The following NTM variants were observed in gnomAD, a reference collection of about 807,000 sequenced individuals.
The protein encoded by NTM is neurotrimin.
In NTM, 13 loss-of-function variants were observed where a neutral mutation model predicts 42.1. The observed-to-expected ratio is 0.31, with a 90% CI of 0.20 to 0.49. The LOEUF (loss-of-function observed/expected upper bound fraction) is 0.49, where lower values mean the gene tolerates loss of function less well. Among genes scored for constraint, NTM ranks in the 20% least tolerant of loss-of-function variants. NTM has a pLI of 0.99. For missense variants in NTM, 373 were observed against 452.8 expected, an observed-to-expected ratio of 0.82 and a Z score of 1.60; for synonymous variants, 187 against 179.2, an observed-to-expected ratio of 1.04 and a Z score of -0.35.
chr11:131,626,352 A>G (rs2063103692), intron 1 of NTM, among the ~76,000 whole-genome samples: 1 of 152,192 alleles, frequency 6.6e-6, no homozygotes, highest in Non-Finnish European at 1.5e-5. Flanking sequence ...TAATATACAA[A>G]CGTATATTCA....
intron 1 of NTM, among the ~76,000 whole-genome samples, chr11:131,436,281 A>C (rs897550023): frequency 1.3e-5 from 2 of 152,170 alleles, no homozygotes; most frequent in Non-Finnish European, 2.9e-5. Flanking sequence ...AGGCTTTGCT[A>C]TCAGGATGAT....
intron 4 of NTM, among the ~76,000 whole-genome samples, chr11:132,257,801 G>A (rs1259270894): frequency 1.3e-5 from 2 of 152,126 alleles, no homozygotes; most frequent in South Asian, 4.1e-4. Flanking sequence ...ATCTGATTTC[G>A]AAGCCCATTG....
chr11:131,599,809 T>C (rs569877671), intron 1 of NTM, among the ~76,000 whole-genome samples: 2 of 152,344 alleles, frequency 1.3e-5, no homozygotes, highest in South Asian at 4.1e-4. Flanking sequence ...AGTCTGCAGC[T>C]GACCCATGAA....
rs116665376 is a variant in NTM, at chr11:132,233,375, G to A, written c.526+21228G>A. On this transcript the variant is annotated intron_variant, in intron 4 of 8. Coordinates refer to ENST00000683400, the MANE Select transcript of NTM (RefSeq NM_001352005.2). ...GCAGAGGTTGTGGTGAGCCAAGACC[G>A]CGCCACTGCACTACAGCCAGGATGA... Among the ~76,000 whole-genome samples the A allele has an allele frequency of 5.6e-3, 846 of 152,280 alleles. 7 individuals are homozygous for A. Among genetic ancestry groups the A allele is most frequent in the African/African-American group, 0.019 (789 of 41,534 alleles).
intron 1 of NTM, among the ~76,000 whole-genome samples, chr11:131,487,372 C>T (rs765716541): frequency 1.1e-4 from 16 of 152,170 alleles, no homozygotes; most frequent in Non-Finnish European, 2.2e-4. Context: ...AAACATAACC[C>T]TGCAGATTAT....
intron 1 of NTM, among the ~76,000 whole-genome samples, chr11:131,637,048 C>G (rs533741318): frequency 6.6e-6 from 1 of 152,298 alleles, no homozygotes; most frequent in South Asian, 2.1e-4. Context: ...CTGTTTCCCT[C>G]TTGTCTTCTA....
intron 1 of NTM, among the ~76,000 whole-genome samples, chr11:131,679,982 G>A (rs576462965): frequency 6.6e-6 from 1 of 152,328 alleles, no homozygotes; most frequent in African/African-American, 2.4e-5. Flanking sequence ...TTCTCTGAGT[G>A]AAGCGCCTTG....
chr11:131,887,849 C>A lies in NTM; in HGVS notation c.83-23715C>A, dbSNP rs562555537. Reference sequence around the variant, plus strand: ...ATCAGATGATTATGATAGCACTGTTCTAGGCACTTTATATGAAGAAGGTAC... The same window carrying A: ...ATCAGATGATTATGATAGCACTGTTATAGGCACTTTATATGAAGAAGGTAC... On this transcript the variant is annotated intron_variant, in intron 1 of 8. Coordinates refer to ENST00000683400, the MANE Select transcript of NTM (RefSeq NM_001352005.2). Among the ~76,000 whole-genome samples the A allele has an allele frequency of 2.0e-5, 3 of 152,298 alleles. No individual in the cohort carries two copies. The South Asian group carries it at 6.2e-4, about 32-fold the overall frequency.
chr11:131,410,625 G>A (rs553739696), intron 1 of NTM, among the ~76,000 whole-genome samples: 22 of 150,740 alleles, frequency 1.5e-4, no homozygotes, highest in African/African-American at 3.2e-4. Flanking sequence ...GATTTCTTGC[G>A]TCAATCTTTT....
chr11:132,069,475 G>A (rs1246115917), intron 2 of NTM, among the ~76,000 whole-genome samples: 3 of 121,762 alleles, frequency 2.5e-5, no homozygotes, highest in African/African-American at 3.5e-5. Context: ...ACCGTCACAG[G>A]TTAGTTAACA....
At chr11:132,319,487 G>C (rs1386762017) in intron 7 of NTM, among the ~76,000 whole-genome samples, 1 of 152,218 alleles carries the variant, frequency 6.6e-6, no homozygotes, top group African/African-American at 2.4e-5. Flanking sequence ...CACCTGGCTT[G>C]GAGGGTCCTA....
At chr11:132,204,010 T>G (rs1235895848) in intron 3 of NTM, among the ~76,000 whole-genome samples, 1 of 152,196 alleles carries the variant, frequency 6.6e-6, no homozygotes, top group African/African-American at 2.4e-5. Context: ...ATCTGTAAAG[T>G]GTGGGAACTA....
At chr11:131,698,864 C>T (rs771726376) in intron 1 of NTM, among the ~76,000 whole-genome samples, 9 of 152,290 alleles carry the variant, frequency 5.9e-5, no homozygotes, top group African/African-American at 2.2e-4. Flanking sequence ...TTCCATAAAG[C>T]GTACCTTGAC....
At chr11:131,658,392 A>G (rs756792099) in intron 1 of NTM, among the ~76,000 whole-genome samples, 4 of 151,952 alleles carry the variant, frequency 2.6e-5, no homozygotes, top group Non-Finnish European at 4.4e-5. Context: ...ATTCCCATAG[A>G]CCCCTTTTCC....
At chr11:131,984,390 C>T (rs993981085) in intron 2 of NTM, 2 of 152,248 alleles carry the variant, frequency 1.3e-5, no homozygotes, top group African/African-American at 4.8e-5. Flanking sequence ...AGATACACAG[C>T]AGTTACTGGT....
chr11:131,865,193 G>A lies in NTM; in HGVS notation c.83-46371G>A, dbSNP rs571876488. Among the ~76,000 whole-genome samples, 4 of 152,318 alleles carry A rather than the reference G, an allele frequency of 2.6e-5. No individual in the cohort carries two copies. The South Asian group carries it at 6.2e-4, about 24-fold the overall frequency. ...AAGAATGCTGAGGCTTAGAAAGATCGAGTAGCCTACCCCTGATCACATGGC... is the reference window on the plus strand; with the variant it reads ...AAGAATGCTGAGGCTTAGAAAGATCAAGTAGCCTACCCCTGATCACATGGC... On this transcript the variant is annotated intron_variant, in intron 1 of 8. Coordinates refer to ENST00000683400, the MANE Select transcript of NTM (RefSeq NM_001352005.2).
chr11:131,741,795 A>G (rs2081233589), intron 1 of NTM, among the ~76,000 whole-genome samples: 1 of 152,222 alleles, frequency 6.6e-6, no homozygotes, highest in South Asian at 2.1e-4. Flanking sequence ...CTGGTAGAGC[A>G]GAGGACTGTC....
chr11:132,078,049 A>G (rs1168746860), intron 2 of NTM, among the ~76,000 whole-genome samples: 1 of 152,236 alleles, frequency 6.6e-6, no homozygotes, highest in Admixed American at 6.5e-5. Flanking sequence ...ATAAATATAC[A>G]TGGAAAAACT....
chr11:131,491,232 C>G (rs1046753060), intron 1 of NTM, among the ~76,000 whole-genome samples: 2 of 152,082 alleles, frequency 1.3e-5, no homozygotes, highest in African/African-American at 4.8e-5. Flanking sequence ...GTCAACTATG[C>G]CAGAGTTTAT....
Sources: gnomAD v4.1 joint callset for allele counts (sites outside exome capture counted in the v4.1 genomes callset) on GRCh38, gnomAD v4.1.1 for gene constraint, MANE v1.5 for transcripts, NCBI Gene and HGNC (gene_info 2026-07-23, HGNC 2026-07-21) for gene names.